The following PTPRT variants were observed in gnomAD, a reference collection of about 807,000 sequenced individuals.
The protein encoded by PTPRT is receptor-type tyrosine-protein phosphatase T.
Under a neutral mutation model 176.8 loss-of-function variants are expected in PTPRT, and 56 were observed. The ratio of observed to expected loss-of-function variants is 0.32; its 90% CI spans 0.26 to 0.40. PTPRT has a LOEUF of 0.40. Ranked by LOEUF, PTPRT falls within the 10% of genes least tolerant of loss-of-function variation. The pLI, the probability that PTPRT is intolerant of heterozygous loss-of-function variation, is 1.00. For synonymous variants in PTPRT, 783 were observed against 739.0 expected, an observed-to-expected ratio of 1.06 and a Z score of -0.96; for missense variants, 1,540 against 1,908.2, an observed-to-expected ratio of 0.81 and a Z score of 3.60.
In PTPRT at chr20:42,715,646, G is replaced by A. The variant is rs377322236; in HGVS notation, c.860-37487C>T. ...ATACACAAATATTAAAAAATAAAGA[G>A]ACTTTGCAACCCGTGACAGTGCAGA... On this transcript the variant is annotated intron_variant, in intron 6 of 30. Coordinates refer to ENST00000373187, the MANE Select transcript of PTPRT (RefSeq NM_007050.6). Among the ~76,000 whole-genome samples the A allele has an allele frequency of 8.6e-5, 13 of 152,034 alleles. No individual in the cohort carries two copies. The East Asian group carries it at 1.5e-3, about 18-fold the overall frequency.
intron 1 of PTPRT, among the ~76,000 whole-genome samples, chr20:42,903,714 A>G (rs2079437703): frequency 6.6e-6 from 1 of 152,228 alleles, no homozygotes; most frequent in Non-Finnish European, 1.5e-5. Flanking sequence ...GACAGAATAC[A>G]AAGAAGCCTC....
chr20:42,771,939 C>T (rs1370105192), intron 4 of PTPRT, among the ~76,000 whole-genome samples: 1 of 152,208 alleles, frequency 6.6e-6, no homozygotes, highest in Non-Finnish European at 1.5e-5. Flanking sequence ...CTGATCATTG[C>T]TTCTGGGGTT....
At chr20:42,494,106 G>T (rs1429567163) in intron 7 of PTPRT, among the ~76,000 whole-genome samples, 3 of 151,892 alleles carry the variant, frequency 2.0e-5, no homozygotes, top group Non-Finnish European at 4.4e-5. Context: ...GTTTTTTTCA[G>T]AGTAAAGAGA....
chr20:42,693,920 T>C (rs1398547150), intron 6 of PTPRT, among the ~76,000 whole-genome samples: 1 of 152,142 alleles, frequency 6.6e-6, no homozygotes, highest in African/African-American at 2.4e-5. Context: ...CCAATCTGTT[T>C]TCTACTTCTA....
At chr20:42,617,150 GGTT>G (rs1233804768) in intron 7 of PTPRT, among the ~76,000 whole-genome samples, 1 of 136,910 alleles carries the variant, frequency 7.3e-6, no homozygotes, top group African/African-American at 3.3e-5. Flanking sequence ...TAGCATGAAG[GGTT>G]GTTGAATTTT....
At chr20:43,015,416 C>T (rs893007319) in intron 1 of PTPRT, among the ~76,000 whole-genome samples, 10 of 152,186 alleles carry the variant, frequency 6.6e-5, no homozygotes, top group African/African-American at 1.7e-4. Flanking sequence ...TAATAAATCA[C>T]GGAGTGACCA....
chr20:42,827,698 G>A (rs751140591), intron 2 of PTPRT, among the ~76,000 whole-genome samples: 9 of 152,154 alleles, frequency 5.9e-5, no homozygotes, highest in Non-Finnish European at 1.5e-5. Flanking sequence ...AATCATGGTG[G>A]TGGTTACCTA....
At chr20:42,988,693 G>A (rs1387332073) in intron 1 of PTPRT, among the ~76,000 whole-genome samples, 1 of 152,190 alleles carries the variant, frequency 6.6e-6, no homozygotes, top group African/African-American at 2.4e-5. Flanking sequence ...GTGGCTGCAG[G>A]GAAATAGGAA....
At chr20:42,898,039 T>A (rs1180188703) in intron 1 of PTPRT, among the ~76,000 whole-genome samples, 4 of 152,170 alleles carry the variant, frequency 2.6e-5, no homozygotes, top group Non-Finnish European at 5.9e-5. Flanking sequence ...GCCCATCATA[T>A]CCCTTATAGA....
chr20:42,772,907 T>C (rs2077083722), intron 4 of PTPRT, among the ~76,000 whole-genome samples: 1 of 152,274 alleles, frequency 6.6e-6, no homozygotes. Context: ...GACACTATTA[T>C]GATTTCCCTG....
chr20:43,105,406 C>CT (rs373133936), intron 1 of PTPRT, among the ~76,000 whole-genome samples: 3,530 of 149,560 alleles, frequency 0.024, 71 homozygotes, highest in African/African-American at 0.056. Flanking sequence ...TTCTGATACT[C>CT]TTTTTTTTTT....
At chr20:42,551,679 G>A (rs928428495) in intron 7 of PTPRT, among the ~76,000 whole-genome samples, 1 of 152,054 alleles carries the variant, frequency 6.6e-6, no homozygotes, top group Non-Finnish European at 1.5e-5. Flanking sequence ...GTTGACTTAC[G>A]GTCTGCCCCT....
At chr20:42,869,530 T>C (rs1251803401) in intron 2 of PTPRT, among the ~76,000 whole-genome samples, 1 of 152,242 alleles carries the variant, frequency 6.6e-6, no homozygotes, top group Non-Finnish European at 1.5e-5. Flanking sequence ...TTATCTCTTT[T>C]AAAATAGGAA....
chr20:42,404,988 A>ATATATATATATATATATATATATG, intron 9 of PTPRT, among the ~76,000 whole-genome samples: 1 of 135,044 alleles, frequency 7.4e-6, no homozygotes. Flanking sequence ...ATATATATAT[A>ATATATATATATATATATATATATG]CACACACACA....
chr20:42,807,828 A>G (rs1198152194), intron 2 of PTPRT, among the ~76,000 whole-genome samples: 1 of 152,188 alleles, frequency 6.6e-6, no homozygotes, highest in African/African-American at 2.4e-5. Flanking sequence ...AGCTTTATGT[A>G]CTTGGTACCA....
intron 9 of PTPRT, among the ~76,000 whole-genome samples, chr20:42,424,220 A>C (rs2059143781): frequency 6.6e-6 from 1 of 152,152 alleles, no homozygotes; most frequent in Non-Finnish European, 1.5e-5. Context: ...TCCAAACCTC[A>C]AAAAACAAAA....
chr20:42,896,183 ACTC>A (rs1253727048), intron 1 of PTPRT, among the ~76,000 whole-genome samples: 115 of 152,224 alleles, frequency 7.6e-4, no homozygotes, highest in African/African-American at 2.5e-3. Flanking sequence ...TGGATGATGC[ACTC>A]AGCGTCAGAT....
At chr20:42,859,350 A>AT (rs1359094879) in intron 2 of PTPRT, among the ~76,000 whole-genome samples, 2 of 152,126 alleles carry the variant, frequency 1.3e-5, no homozygotes, top group Non-Finnish European at 2.9e-5. Context: ...TAAAGTGTAC[A>AT]TTTATCTGCT....
At chr20:42,858,991 C>G (rs924111975) in intron 2 of PTPRT, among the ~76,000 whole-genome samples, 1 of 152,220 alleles carries the variant, frequency 6.6e-6, no homozygotes. Flanking sequence ...ACCCTCAGTG[C>G]AGCCCTGCTT....
Sources: gnomAD v4.1 joint callset for allele counts (sites outside exome capture counted in the v4.1 genomes callset) on GRCh38, gnomAD v4.1.1 for gene constraint, MANE v1.5 for transcripts, NCBI Gene and HGNC (gene_info 2026-07-23, HGNC 2026-07-21) for gene names.